Variants in PTPRN2 observed in about 807,000 individuals in gnomAD.
PTPRN2 encodes protein tyrosine phosphatase receptor type N2.
PTPRN2 carries 74 observed loss-of-function variants against 118.8 expected under a neutral mutation model. The observed-to-expected ratio is 0.62, with a 90% CI of 0.52 to 0.76. The LOEUF is 0.76. Ranked by LOEUF, PTPRN2 falls within the 30% of genes least tolerant of loss-of-function variation. PTPRN2 has a pLI of 0.00. For missense variants in PTPRN2, 1,481 were observed against 1,394.4 expected (o/e 1.06, Z -0.99); for synonymous variants, 641 against 608.0 (o/e 1.05, Z -0.80).
At chr7:157,704,407 G>C (rs900482908) in intron 12 of PTPRN2, among the ~76,000 whole-genome samples, 1 of 152,212 alleles carries the variant, frequency 6.6e-6, no homozygotes, top group Non-Finnish European at 1.5e-5. Flanking sequence ...GACAAATGTG[G>C]AAGGCATCCT....
intron 1 of PTPRN2, among the ~76,000 whole-genome samples, chr7:158,534,672 C>T (rs879941430): frequency 1.3e-5 from 2 of 152,218 alleles, no homozygotes; most frequent in Non-Finnish European, 2.9e-5. Flanking sequence ...GAAGCTCCCC[C>T]CATCACCCAG....
intron 2 of PTPRN2, among the ~76,000 whole-genome samples, chr7:158,459,763 C>G (rs1483439332): frequency 1.3e-5 from 2 of 152,144 alleles, no homozygotes; most frequent in Admixed American, 1.3e-4. Context: ...CATCCACAGT[C>G]TCCAGGATGG....
intron 2 of PTPRN2, among the ~76,000 whole-genome samples, chr7:158,472,000 G>A (rs953776555): frequency 6.6e-6 from 1 of 152,010 alleles, no homozygotes; most frequent in East Asian, 1.9e-4. Flanking sequence ...GCCCCGCCAC[G>A]GTTCCGGCCT....
chr7:158,245,315 C>T (rs546268686), intron 3 of PTPRN2, among the ~76,000 whole-genome samples: 4 of 152,274 alleles, frequency 2.6e-5, no homozygotes, highest in Admixed American at 6.5e-5. Context: ...TGCCAGAATC[C>T]GTGGTCATGC....
chr7:158,186,956 G>C (rs991000893), intron 5 of PTPRN2, among the ~76,000 whole-genome samples: 2 of 152,222 alleles, frequency 1.3e-5, no homozygotes, highest in South Asian at 2.1e-4. Flanking sequence ...GTATTGGTAA[G>C]TAATGAATTT....
chr7:157,611,593 C>T lies in PTPRN2; in HGVS notation c.2345-7518G>A, dbSNP rs116992973. Among the ~76,000 whole-genome samples, 42 of 152,250 alleles carry T rather than the reference C, an allele frequency of 2.8e-4. No homozygotes were observed. The East Asian group carries it at 4.6e-3, about 17-fold the overall frequency. Reference sequence around the variant, plus strand: ...ACCTTATTTGGAAATAGGGTCTTTACAGAGGTAAGCGAGCGGAGGGCATTT... The same window carrying T: ...ACCTTATTTGGAAATAGGGTCTTTATAGAGGTAAGCGAGCGGAGGGCATTT... On this transcript the variant is annotated intron_variant, in intron 15 of 22. Coordinates refer to ENST00000389418, the MANE Select transcript of PTPRN2 (RefSeq NM_002847.5). The surrounding 1 kb of genome is among the most constrained non-coding windows in gnomAD (Gnocchi z 5.9).
chr7:158,382,923 T>C (rs1035833001), intron 2 of PTPRN2, among the ~76,000 whole-genome samples: 8 of 152,198 alleles, frequency 5.3e-5, no homozygotes, highest in Admixed American at 5.2e-4. Context: ...CATATTGCAC[T>C]TGGATCTTTC....
chr7:158,233,483 G>A (rs569663343), intron 3 of PTPRN2, among the ~76,000 whole-genome samples: 3 of 152,208 alleles, frequency 2.0e-5, no homozygotes, highest in Non-Finnish European at 4.4e-5. Context: ...TTAAAATGTC[G>A]ATACTACCCA....
intron 11 of PTPRN2, among the ~76,000 whole-genome samples, chr7:157,996,080 C>T (rs964785634): frequency 1.3e-5 from 2 of 152,080 alleles, no homozygotes; most frequent in African/African-American, 4.8e-5. Flanking sequence ...CTTTTGCACA[C>T]AATGGAATAC....
intron 12 of PTPRN2, among the ~76,000 whole-genome samples, chr7:157,803,106 G>T (rs1352971853): frequency 6.6e-6 from 1 of 151,852 alleles, no homozygotes; most frequent in Non-Finnish European, 1.5e-5. Context: ...CTGGGATTAC[G>T]GGTGCCCGCC....
At chr7:157,790,065 G>A (rs1804363502) in intron 12 of PTPRN2, among the ~76,000 whole-genome samples, 1 of 136,844 alleles carries the variant, frequency 7.3e-6, no homozygotes, top group Non-Finnish European at 1.6e-5. Flanking sequence ...TGGTGTGAAT[G>A]TGTGGTGTGT....
chr7:157,862,263 C>G (rs535849774), intron 12 of PTPRN2, among the ~76,000 whole-genome samples: 63 of 152,240 alleles, frequency 4.1e-4, no homozygotes, highest in Non-Finnish European at 7.8e-4. Flanking sequence ...TCTGAGCTGC[C>G]GAGGTCCAGG....
chr7:157,614,969 ATTG>A (rs1802661011), intron 15 of PTPRN2, among the ~76,000 whole-genome samples: 1 of 152,202 alleles, frequency 6.6e-6, no homozygotes, highest in African/African-American at 2.4e-5. Context: ...GCACTGAGGG[ATTG>A]TTGTTAATTT....
chr7:157,901,904 CTGGGT>C (rs1349818067), intron 11 of PTPRN2, among the ~76,000 whole-genome samples: 4 of 131,822 alleles, frequency 3.0e-5, no homozygotes, highest in Non-Finnish European at 6.1e-5. Context: ...TCCGTGTTTC[CTGGGT>C]CCTGAGGCGG....
chr7:157,760,756 T>C (rs1802080699), intron 12 of PTPRN2, among the ~76,000 whole-genome samples: 1 of 152,222 alleles, frequency 6.6e-6, no homozygotes, highest in African/African-American at 2.4e-5. Context: ...TGTATATTGA[T>C]TTTGTATCCT....
chr7:157,849,339 G>A (rs1195165783), intron 12 of PTPRN2, among the ~76,000 whole-genome samples: 2 of 152,146 alleles, frequency 1.3e-5, no homozygotes, highest in Non-Finnish European at 2.9e-5. Flanking sequence ...CGGAAGTTGC[G>A]ATTCATGTCA....
intron 11 of PTPRN2, among the ~76,000 whole-genome samples, chr7:157,985,160 C>A (rs141604028): frequency 4.6e-5 from 7 of 152,330 alleles, no homozygotes; most frequent in African/African-American, 1.7e-4. Flanking sequence ...GATGTTTGGG[C>A]CCTACTTGCA....
At position 158,544,990 on chromosome 7, in the gene PTPRN2, T is replaced by C. The variant is rs1684310166; in HGVS notation, c.112+42568A>G. Among the ~76,000 whole-genome samples the C allele has an allele frequency of 6.6e-6, 1 of 152,142 alleles. No individual in the cohort carries two copies. The highest frequency in any genetic ancestry group is 1.5e-5 in the Non-Finnish European group (1 of 68,034). On this transcript the variant is annotated intron_variant, in intron 1 of 22. Transcript: ENST00000389418. The surrounding 1 kb of genome is among the most constrained non-coding windows in gnomAD (Gnocchi z 4.2). ...GAGCTCCTGCCCAGAAATGGGAAGG[T>C]GATCTGCATCCTCCCAGGCCCCCTC...
chr7:158,278,743 G>A (rs533355112), intron 3 of PTPRN2, among the ~76,000 whole-genome samples: 5 of 152,288 alleles, frequency 3.3e-5, no homozygotes, highest in African/African-American at 1.2e-4. Context: ...TCTTCCGGTG[G>A]GTTCATGGTC....
Sources: allele counts gnomAD v4.1 joint callset (sites outside exome capture counted in the v4.1 genomes callset), GRCh38; gene constraint gnomAD v4.1.1; non-coding constraint Gnocchi (gnomAD v3.1); transcripts MANE v1.5; gene names NCBI Gene and HGNC (gene_info 2026-07-23, HGNC 2026-07-21).